TMEM38A: variants seen among roughly 807,000 people sequenced by gnomAD.
TMEM38A encodes transmembrane protein 38A.
Under a neutral mutation model 28.6 loss-of-function variants are expected in TMEM38A, and 17 were observed. The observed-to-expected ratio is 0.60, with a 90% CI of 0.41 to 0.89. The LOEUF is 0.89. Among genes scored for constraint, TMEM38A ranks in the 40% least tolerant of loss-of-function variants. The pLI, the probability that TMEM38A is intolerant of heterozygous loss-of-function variation, is 0.00. For missense variants in TMEM38A, 328 were observed against 393.1 expected (o/e 0.83, Z 1.40); for synonymous variants, 169 against 166.1 (o/e 1.02, Z -0.14).
chr19:16,675,234 C>A (rs1461324457), intron 1 of TMEM38A, among the ~76,000 whole-genome samples: 2 of 152,008 alleles, frequency 1.3e-5, no homozygotes, highest in Non-Finnish European at 2.9e-5. Flanking sequence ...TCTCATGACT[C>A]TTATTTGTTT....
chr19:16,666,962 A>AAG (rs1599385092), intron 1 of TMEM38A, among the ~76,000 whole-genome samples: 1 of 148,060 alleles, frequency 6.8e-6, no homozygotes, highest in Admixed American at 6.7e-5. Context: ...CAAAAAAAAA[A>AAG]AAAAGAAAAG....
At chr19:16,673,639 C>T (rs1385883300) in intron 1 of TMEM38A, among the ~76,000 whole-genome samples, 1 of 152,136 alleles carries the variant, frequency 6.6e-6, no homozygotes, top group Non-Finnish European at 1.5e-5. Context: ...GATGCGCTCA[C>T]CTGGATTTGT....
rs35226829 is a variant in TMEM38A at position 16,662,436 on chromosome 19, CTT to C, written c.124+1116_124+1117del. Among the ~76,000 whole-genome samples the C allele has an allele frequency of 4.6e-3, 351 of 75,830 alleles. 1 individual carries two copies. Among genetic ancestry groups the C allele is most frequent in the African/African-American group, 0.017 (307 of 18,348 alleles). 49.7% of individuals were successfully genotyped at this position (75,830 alleles called of 152,430 possible). A position where few individuals can be genotyped will look rare whatever the true frequency, so the allele number is the denominator to read the frequency against. On this transcript the variant is annotated intron_variant, in intron 1 of 5. Coordinates refer to ENST00000187762, the MANE Select transcript of TMEM38A (RefSeq NM_024074.4). ...ATATAGTTATAAACGTAAATGCACGCTTTTTTTTTTTTTTTTTTTTTTGCGGT... is the reference window on the plus strand; with the variant it reads ...ATATAGTTATAAACGTAAATGCACGCTTTTTTTTTTTTTTTTTTTTGCGGT...
intron 1 of TMEM38A, among the ~76,000 whole-genome samples, chr19:16,664,663 G>A (rs894992064): frequency 6.6e-6 from 1 of 152,070 alleles, no homozygotes; most frequent in African/African-American, 2.4e-5. Flanking sequence ...GCTGAGGCTG[G>A]AGGATCACTT....
intron 1 of TMEM38A, among the ~76,000 whole-genome samples, chr19:16,677,421 A>C (rs1231535492): frequency 6.6e-6 from 1 of 152,110 alleles, no homozygotes; most frequent in Non-Finnish European, 1.5e-5. Context: ...TGCAGCCTCA[A>C]ACTCTTGGGT....
rs1414287708 is a variant in TMEM38A at position 16,661,372 on chromosome 19, G to C, written c.124+31G>C. The C allele has an allele frequency of 2.0e-6, 3 of 1,533,626 alleles. No individual in the cohort carries two copies. Among genetic ancestry groups the C allele is most frequent in the Non-Finnish European group, 2.6e-6 (3 of 1,136,754 alleles). ...CCGGGGCGGGGGGCTGGAGGGGACC[G>C]GCAGCGGGTGGCGCGGGCCGGGGCA... On this transcript the variant is annotated intron_variant, in intron 1 of 5. Coordinates refer to ENST00000187762, the MANE Select transcript of TMEM38A (RefSeq NM_024074.4). This position sits in a 1 kb window ranked among gnomAD's most constrained non-coding sequence, Gnocchi z 6.5.
At chr19:16,679,913 C>G in intron 1 of TMEM38A, 71 bp from the exon 2 acceptor site, 9 of 1,493,920 alleles carry the variant, frequency 6.0e-6, no homozygotes, top group Non-Finnish European at 8.1e-6. Flanking sequence ...GATAGGCTGA[C>G]CAGAGCATAT....
At chr19:16,686,491 C>T (rs759234091) in intron 5 of TMEM38A, 86 bp downstream of exon 5, 2 of 1,107,194 alleles carry the variant, frequency 1.8e-6, no homozygotes, top group African/African-American at 1.5e-5. Flanking sequence ...ATTGGACACT[C>T]CCAGCCTTAT....
rs767691316 is a variant in TMEM38A, at chr19:16,661,175, C to T, written c.-43C>T. 60 of 1,243,058 alleles carry T rather than the reference C, an allele frequency of 4.8e-5. No individual in the cohort carries two copies. The East Asian group carries it at 8.6e-4, about 18-fold the overall frequency. 77.0% of individuals were successfully genotyped at this position (1,243,058 alleles called of 1,614,324 possible). A position where few individuals can be genotyped will look rare whatever the true frequency, so the allele number is the denominator to read the frequency against. ...GCCGCGGGCGGCGGGACGGACGAGG[C>T]CGGGGCCCCGGGTGGCACCCGGCAG... is the stretch of plus-strand genomic sequence containing the variant. On this transcript the variant is annotated 5_prime_UTR_variant, in exon 1 of 6. Coordinates refer to ENST00000187762, the MANE Select transcript of TMEM38A (RefSeq NM_024074.4). The surrounding 1 kb of genome is among the most constrained non-coding windows in gnomAD (Gnocchi z 6.5).
At chr19:16,687,369 A>G (rs2086806209) in intron 5 of TMEM38A, among the ~76,000 whole-genome samples, 1 of 151,938 alleles carries the variant, frequency 6.6e-6, no homozygotes, top group Admixed American at 6.6e-5. Context: ...ACAAATACAA[A>G]AATTAACCAG....
chr19:16,673,057 CTTTTCT>C (rs369472791), intron 1 of TMEM38A, among the ~76,000 whole-genome samples: 3,329 of 150,518 alleles, frequency 0.022, 128 homozygotes, highest in African/African-American at 0.079. Flanking sequence ...GTCTAGTTCA[CTTTTCT>C]TTTTCTTTTT....
intron 4 of TMEM38A, among the ~76,000 whole-genome samples, chr19:16,683,943 C>T (rs1024608197): frequency 6.0e-5 from 9 of 149,694 alleles, no homozygotes; most frequent in African/African-American, 2.3e-4. Context: ...GCACTCCAGC[C>T]TGGGCAGCAA....
intron 1 of TMEM38A, among the ~76,000 whole-genome samples, chr19:16,675,642 G>A (rs2086747530): frequency 2.0e-5 from 3 of 150,576 alleles, no homozygotes; most frequent in South Asian, 2.1e-4. Context: ...TCTGCCTCCC[G>A]GGTTGAAGCG....
chr19:16,666,925 C>T (rs2086705416), intron 1 of TMEM38A, among the ~76,000 whole-genome samples: 1 of 150,320 alleles, frequency 6.7e-6, no homozygotes, highest in Admixed American at 6.7e-5. Flanking sequence ...TGCACTCCAG[C>T]CTGGGCAAAA....
intron 1 of TMEM38A, among the ~76,000 whole-genome samples, chr19:16,670,215 G>T (rs1047674054): frequency 6.7e-6 from 1 of 150,192 alleles, no homozygotes; most frequent in Non-Finnish European, 1.5e-5. Flanking sequence ...TGATCCACCC[G>T]CCTCGGTCTC....
At chr19:16,688,043 C>A in intron 5 of TMEM38A, 101 bp from the exon 6 acceptor site, 1 of 838,778 alleles carries the variant, frequency 1.2e-6, no homozygotes. Context: ...ACTTTGATGA[C>A]ATTCTCTCCC....
chr19:16,664,078 C>G (rs2122573015), intron 1 of TMEM38A, among the ~76,000 whole-genome samples: 1 of 152,222 alleles, frequency 6.6e-6, no homozygotes, highest in African/African-American at 2.4e-5. Context: ...CTGCTTGACT[C>G]TAAGAATCAG....
In TMEM38A at chr19:16,670,458, A is replaced by T. The variant is rs561832953; in HGVS notation, c.124+9117A>T. Among the ~76,000 whole-genome samples, 10 of 151,876 alleles carry T rather than the reference A, an allele frequency of 6.6e-5. 1 individual carries two copies. Among genetic ancestry groups the T allele is most frequent in the East Asian group, 3.9e-4 (2 of 5,146 alleles). On this transcript the variant is annotated intron_variant, in intron 1 of 5. Coordinates refer to ENST00000187762, the MANE Select transcript of TMEM38A (RefSeq NM_024074.4). ...CCCAGCCGAGGCAGAGCTGATTTTT[A>T]AAAAATCCATCTACTGAAATTTCCA...
chr19:16,679,887 G>A (rs1599390421), intron 1 of TMEM38A, 97 bp from the exon 2 acceptor site: 1 of 1,329,222 alleles, frequency 7.5e-7, no homozygotes, highest in African/African-American at 1.5e-5. Flanking sequence ...AGTGTTGGGT[G>A]GGCGCTCTGG....
Sources: gnomAD v4.1 joint callset for allele counts (sites outside exome capture counted in the v4.1 genomes callset) on GRCh38, gnomAD v4.1.1 for gene constraint, Gnocchi (gnomAD v3.1) non-coding constraint, MANE v1.5 for transcripts, NCBI Gene and HGNC (gene_info 2026-07-23, HGNC 2026-07-21) for gene names.